CNOT4: variants seen among roughly 807,000 people sequenced by gnomAD.
The protein encoded by CNOT4 is CCR4-associated factor 4.
CNOT4 carries 8 observed loss-of-function variants against 73.8 expected under a neutral mutation model. That is an observed-to-expected ratio of 0.11 (90% CI 0.06 to 0.20). The LOEUF (loss-of-function observed/expected upper bound fraction) is 0.20. Among genes scored for constraint, CNOT4 ranks in the 10% least tolerant of loss-of-function variants. CNOT4 has a pLI of 1.00. For missense variants in CNOT4, 564 were observed against 883.4 expected, an observed-to-expected ratio of 0.64 and a Z score of 4.58; for synonymous variants, 293 against 321.1, an observed-to-expected ratio of 0.91 and a Z score of 0.94.
intron 1 of CNOT4, among the ~76,000 whole-genome samples, chr7:135,470,582 A>C (rs1801518386): frequency 6.6e-6 from 1 of 152,176 alleles, no homozygotes; most frequent in Non-Finnish European, 1.5e-5. Flanking sequence ...AAAAAAAAAA[A>C]AAACCTCAAT....
chr7:135,437,356 AT>A (rs1206676685), intron 2 of CNOT4, among the ~76,000 whole-genome samples: 19 of 151,878 alleles, frequency 1.3e-4, no homozygotes, highest in African/African-American at 4.1e-4. Flanking sequence ...CGCCTGCCTA[AT>A]TTTTTGTATT....
At chr7:135,453,926 T>C (rs1358712080) in intron 1 of CNOT4, among the ~76,000 whole-genome samples, 1 of 142,134 alleles carries the variant, frequency 7.0e-6, no homozygotes, top group African/African-American at 2.6e-5. Context: ...TCGCTTGAGC[T>C]CAGGAGTTCA....
At chr7:135,490,275 T>C (rs1455442117) in intron 1 of CNOT4, among the ~76,000 whole-genome samples, 1 of 152,210 alleles carries the variant, frequency 6.6e-6, no homozygotes, top group Non-Finnish European at 1.5e-5. Flanking sequence ...TCAGGATTTC[T>C]GAAGGGTTTC....
At chr7:135,425,139 C>T (rs1030491721) in intron 2 of CNOT4, among the ~76,000 whole-genome samples, 7 of 152,174 alleles carry the variant, frequency 4.6e-5, no homozygotes, top group Non-Finnish European at 1.0e-4. Flanking sequence ...CTATATCAGT[C>T]CTCAACAGAC....
intron 2 of CNOT4, among the ~76,000 whole-genome samples, chr7:135,426,880 G>T (rs10237628): frequency 6.7e-6 from 1 of 148,752 alleles, no homozygotes; most frequent in African/African-American, 2.5e-5. Context: ...TGGAGATCAC[G>T]CCACTGTACT....
chr7:135,444,750 A>C, intron 1 of CNOT4: 1 of 1,461,500 alleles, frequency 6.8e-7, no homozygotes, highest in South Asian at 1.1e-5. Flanking sequence ...TGCGACCCTC[A>C]CTCTTCATGG....
At chr7:135,440,123 T>C (rs1585645669) in intron 1 of CNOT4, among the ~76,000 whole-genome samples, 1 of 149,486 alleles carries the variant, frequency 6.7e-6, no homozygotes, top group East Asian at 2.0e-4. Flanking sequence ...AAATTAAAAG[T>C]AAGCATCAGA....
intron 6 of CNOT4, 60 bp downstream of exon 6, chr7:135,413,424 TTAAC>T (rs1797685914): frequency 6.4e-7 from 1 of 1,572,320 alleles, no homozygotes; most frequent in African/African-American, 1.4e-5. Flanking sequence ...TTTTGCAATG[TTAAC>T]TAATAAAAAA....
In CNOT4 at chr7:135,363,922, T is replaced by C; in HGVS notation, c.1772A>G (p.Asn591Ser). ...ACTCAGGCTGTCGGTGGTGGCAGTG[T>C]TGGACGTTGGTGCACTGTGGTTGGC... ...SNANHSAPTSNTATTDSLSWD... is the reference protein window; with the variant it reads ...SNANHSAPTSSTATTDSLSWD... Residue 591 changes from asparagine (N) to serine (S), a missense_variant, in exon 11 of 12, where the codon AAC becomes AGC. This residue lies in a region of CNOT4 where 53 missense variants were observed against 75.4 expected (regional missense o/e 0.70). Transcript: ENST00000541284. This position sits in a 1 kb window ranked among gnomAD's most constrained non-coding sequence, Gnocchi z 4.3. 6.3e-7 allele frequency: 1 copy of C among 1,598,506 alleles called. No homozygotes were observed. Among genetic ancestry groups the C allele is most frequent in the Non-Finnish European group, 8.5e-7 (1 of 1,179,760 alleles).
chr7:135,487,958 G>C (rs1802844687), intron 1 of CNOT4, among the ~76,000 whole-genome samples: 1 of 152,090 alleles, frequency 6.6e-6, no homozygotes. Flanking sequence ...TCGGGAGGCT[G>C]AGGCAGGAGA....
chr7:135,494,361 T>C (rs1055732976), intron 1 of CNOT4, among the ~76,000 whole-genome samples: 1 of 150,314 alleles, frequency 6.7e-6, no homozygotes, highest in Admixed American at 6.7e-5. Flanking sequence ...TCCCAGCTAC[T>C]CGGGAGGCTG....
intron 1 of CNOT4, among the ~76,000 whole-genome samples, chr7:135,453,336 T>C (rs975715153): frequency 6.6e-6 from 1 of 152,124 alleles, no homozygotes; most frequent in Non-Finnish European, 1.5e-5. Context: ...ACCACTTCTT[T>C]AGCCAAACTG....
chr7:135,443,459 A>G (rs1349961039), intron 1 of CNOT4, among the ~76,000 whole-genome samples: 1 of 152,204 alleles, frequency 6.6e-6, no homozygotes, highest in Non-Finnish European at 1.5e-5. Context: ...CTAGAGTGTT[A>G]AAGATACAAT....
Position 135,423,179 on chromosome 7 carries a change from A to AT in CNOT4, c.175-827dup, listed in dbSNP as rs957502218. 1.3e-3 allele frequency among the ~76,000 whole-genome samples: 192 copies of AT among 152,184 alleles called. 3 individuals carry two copies. The highest frequency in any genetic ancestry group is 4.2e-3 in the African/African-American group (175 of 41,518). ...TGATAAATGGAAGATGCGGCACATT[A>AT]TTTTTTCTTTTCTTCCCTCCCCCAA... On this transcript the variant is annotated intron_variant, in intron 2 of 11. Transcript: ENST00000541284.
intron 1 of CNOT4, among the ~76,000 whole-genome samples, chr7:135,467,169 CATG>C (rs1423359976): frequency 7.9e-5 from 12 of 152,216 alleles, no homozygotes; most frequent in Admixed American, 1.3e-4. Flanking sequence ...TTATGATGAT[CATG>C]ATGATGATGA....
chr7:135,388,531 T>A, intron 10 of CNOT4: 1 of 1,054,368 alleles, frequency 9.5e-7, no homozygotes, highest in Non-Finnish European at 1.1e-6. Flanking sequence ...ATCTTAGTAC[T>A]ACAAGTTTAT....
At chr7:135,497,597 C>T (rs2129488001) in intron 1 of CNOT4, among the ~76,000 whole-genome samples, 1 of 152,286 alleles carries the variant, frequency 6.6e-6, no homozygotes, top group East Asian at 1.9e-4. Context: ...ACACTCAAAA[C>T]TATCTTCCCC....
intron 10 of CNOT4, among the ~76,000 whole-genome samples, chr7:135,376,770 T>C (rs1250780064): frequency 6.6e-6 from 1 of 152,206 alleles, no homozygotes; most frequent in Non-Finnish European, 1.5e-5. Context: ...CATCGAATTG[T>C]CTTAAGCATT....
At chr7:135,394,985 A>G (rs1796598389) in intron 9 of CNOT4, among the ~76,000 whole-genome samples, 1 of 152,192 alleles carries the variant, frequency 6.6e-6, no homozygotes, top group Admixed American at 6.5e-5. Flanking sequence ...CAAAAATACC[A>G]TTTAGTAGTA....
Sources: allele counts gnomAD v4.1 joint callset (sites outside exome capture counted in the v4.1 genomes callset), GRCh38; gene constraint gnomAD v4.1.1; regional missense constraint gnomAD v4.1.1; non-coding constraint Gnocchi (gnomAD v3.1); transcripts MANE v1.5; gene names NCBI Gene and HGNC (gene_info 2026-07-23, HGNC 2026-07-21).